PTPRO: variants seen among roughly 807,000 people sequenced by gnomAD.
PTPRO encodes the protein receptor-type tyrosine-protein phosphatase O.
In PTPRO, 62 loss-of-function variants were observed where a neutral mutation model predicts 145.2. That is an observed-to-expected ratio of 0.43 (90% CI 0.35 to 0.53). The LOEUF is 0.53. PTPRO is among the 20% of genes least tolerant of loss of function. PTPRO has a pLI of 0.01. For synonymous variants in PTPRO, 565 were observed against 514.7 expected (o/e 1.10, Z -1.32); for missense variants, 1,345 against 1,482.7 (o/e 0.91, Z 1.53).
At chr12:15,537,242 T>TA (rs1046766900) in intron 12 of PTPRO, among the ~76,000 whole-genome samples, 1 of 152,112 alleles carries the variant, frequency 6.6e-6, no homozygotes, top group Non-Finnish European at 1.5e-5. Flanking sequence ...ACTTCAGGAC[T>TA]AAAAATATAA....
intron 1 of PTPRO, among the ~76,000 whole-genome samples, chr12:15,387,418 C>T (rs944570066): frequency 6.6e-6 from 1 of 152,172 alleles, no homozygotes. Context: ...CTTCTAATTT[C>T]CCAGACAATC....
At chr12:15,532,091 A>G (rs549647206) in intron 12 of PTPRO, among the ~76,000 whole-genome samples, 3 of 152,206 alleles carry the variant, frequency 2.0e-5, no homozygotes, top group Admixed American at 6.5e-5. Context: ...TTTCTCCAGA[A>G]CTCAATGCAT....
At chr12:15,526,008 C>G in intron 11 of PTPRO, 134 bp from the exon 12 acceptor site, 1 of 1,157,234 alleles carries the variant, frequency 8.6e-7, no homozygotes, top group East Asian at 2.4e-5. Flanking sequence ...TATAACGTAT[C>G]TATAATATAA....
intron 1 of PTPRO, among the ~76,000 whole-genome samples, chr12:15,443,337 C>A (rs1940819834): frequency 6.6e-6 from 1 of 151,984 alleles, no homozygotes; most frequent in African/African-American, 2.4e-5. Flanking sequence ...TAACTGTATA[C>A]AAAAATTAAC....
intron 11 of PTPRO, 84 bp from the exon 12 acceptor site, chr12:15,526,058 T>C: frequency 9.3e-6 from 14 of 1,509,146 alleles, no homozygotes; most frequent in Non-Finnish European, 1.2e-5. Context: ...AGGGAATGTG[T>C]CTGCTATAGT....
At chr12:15,481,027 T>C (rs922107328) in intron 1 of PTPRO, among the ~76,000 whole-genome samples, 2 of 152,170 alleles carry the variant, frequency 1.3e-5, no homozygotes, top group East Asian at 3.8e-4. Context: ...AGAAGCATAA[T>C]TCAAAAGAAA....
chr12:15,461,166 C>G (rs1045464143), intron 1 of PTPRO, among the ~76,000 whole-genome samples: 1 of 152,164 alleles, frequency 6.6e-6, no homozygotes, highest in Non-Finnish European at 1.5e-5. Flanking sequence ...GAACTTTGGT[C>G]TCCACAATTC....
chr12:15,527,976 G>T (rs1942877932), intron 12 of PTPRO, among the ~76,000 whole-genome samples: 1 of 145,714 alleles, frequency 6.9e-6, no homozygotes, highest in Admixed American at 7.3e-5. Flanking sequence ...TCAAAATACA[G>T]TTTAAGGAAA....
chr12:15,551,784 T>C, intron 15 of PTPRO, 113 bp downstream of exon 15: 1 of 1,154,804 alleles, frequency 8.7e-7, no homozygotes, highest in Admixed American at 2.0e-5. Context: ...GATTTTAGTT[T>C]TCAGTGTCTG....
At chr12:15,419,069 A>G (rs1428455288) in intron 1 of PTPRO, among the ~76,000 whole-genome samples, 2 of 151,676 alleles carry the variant, frequency 1.3e-5, no homozygotes, top group Non-Finnish European at 2.9e-5. Flanking sequence ...GTTACAGTAC[A>G]CAGAAGATAA....
intron 9 of PTPRO, among the ~76,000 whole-genome samples, chr12:15,519,061 G>A (rs1942657258): frequency 6.6e-6 from 1 of 152,102 alleles, no homozygotes; most frequent in South Asian, 2.1e-4. Flanking sequence ...CCCAAGACTG[G>A]GCAATTTACA....
chr12:15,543,973 T>C (rs185451529), intron 12 of PTPRO, among the ~76,000 whole-genome samples: 2 of 152,282 alleles, frequency 1.3e-5, no homozygotes, highest in Admixed American at 1.3e-4. Flanking sequence ...TTGGATAGCA[T>C]GCAGCCAGTT....
At position 15,508,672 on chromosome 12, in the gene PTPRO, C is replaced by G. The variant is rs539617713; in HGVS notation, c.1369C>G (p.Gln457Glu). The change falls in exon 7 of 27, where the codon CAA (glutamine) becomes GAA (glutamate). Residue 457 changes from glutamine to glutamate, a missense_variant. Physicochemically the swap from Gln to Glu is conservative, Grantham distance 29. Coordinates refer to ENST00000281171, the MANE Select transcript of PTPRO (RefSeq NM_030667.3). The part of the protein sequence containing the change: ...TTALMSWTSS[Q>E]ENYNSTIVSV... ...TGCCTTGATGTCCTGGACATCTTCCCAAGAGAACTACAACAGCACCATTGT... is the reference window on the plus strand; with the variant it reads ...TGCCTTGATGTCCTGGACATCTTCCGAAGAGAACTACAACAGCACCATTGT... The G allele has an allele frequency of 6.2e-7, 1 of 1,614,060 alleles. No individual in the cohort carries two copies. Among genetic ancestry groups the G allele is most frequent in the African/African-American group, 1.3e-5 (1 of 75,028 alleles).
At chr12:15,356,118 C>A (rs183433599) in intron 1 of PTPRO, among the ~76,000 whole-genome samples, 2 of 152,144 alleles carry the variant, frequency 1.3e-5, no homozygotes, top group Admixed American at 6.5e-5. Context: ...ATGTTACTAG[C>A]AACTAAAATA....
intron 18 of PTPRO, among the ~76,000 whole-genome samples, chr12:15,566,887 C>G (rs1565433534): frequency 6.6e-6 from 1 of 152,108 alleles, no homozygotes; most frequent in Non-Finnish European, 1.5e-5. Flanking sequence ...AGAGATAAGA[C>G]CAGACTGAAT....
intron 1 of PTPRO, among the ~76,000 whole-genome samples, chr12:15,418,800 C>CT (rs1012803032): frequency 5.9e-5 from 9 of 151,568 alleles, no homozygotes; most frequent in South Asian, 2.1e-4. Flanking sequence ...ACTTTAACAT[C>CT]TTTTTTTTCC....
intron 1 of PTPRO, among the ~76,000 whole-genome samples, chr12:15,396,399 T>A (rs966859330): frequency 6.6e-6 from 1 of 152,112 alleles, no homozygotes; most frequent in Non-Finnish European, 1.5e-5. Context: ...GATAAAAACA[T>A]AAATTTCTTA....
chr12:15,394,743 T>C (rs543976319), intron 1 of PTPRO, among the ~76,000 whole-genome samples: 65 of 152,336 alleles, frequency 4.3e-4, no homozygotes, highest in Non-Finnish European at 4.7e-4. Context: ...TGGCTGCTGC[T>C]TCATAATCAG....
At chr12:15,521,114 G>A (rs1942710606) in intron 10 of PTPRO, among the ~76,000 whole-genome samples, 1 of 152,054 alleles carries the variant, frequency 6.6e-6, no homozygotes, top group Admixed American at 6.6e-5. Context: ...GAACGACAAG[G>A]TTGTAATTAG....
Sources: allele counts gnomAD v4.1 joint callset (sites outside exome capture counted in the v4.1 genomes callset), GRCh38; gene constraint gnomAD v4.1.1; transcripts MANE v1.5; gene names NCBI Gene and HGNC (gene_info 2026-07-23, HGNC 2026-07-21).